The following SYNE1 variants were observed in gnomAD, a reference collection of about 807,000 sequenced individuals.
SYNE1 encodes nesprin-1.
Under a neutral mutation model 1,111.0 loss-of-function variants are expected in SYNE1, and 616 were observed. The ratio of observed to expected loss-of-function variants is 0.55; its 90% CI spans 0.52 to 0.59. The LOEUF is 0.59. Among genes scored for constraint, SYNE1 ranks in the 20% least tolerant of loss-of-function variants. The pLI, the probability that SYNE1 is intolerant of heterozygous loss-of-function variation, is 0.00. For missense variants in SYNE1, 10,006 were observed against 10,417.0 expected, an observed-to-expected ratio of 0.96 and a Z score of 1.72; for synonymous variants, 3,855 against 3,825.8, an observed-to-expected ratio of 1.01 and a Z score of -0.28.
At chr6:152,293,089 A>G (rs1321888170) in intron 95 of SYNE1, among the ~76,000 whole-genome samples, 1 of 152,228 alleles carries the variant, frequency 6.6e-6, no homozygotes, top group Non-Finnish European at 1.5e-5. Flanking sequence ...CTTTTAAAAA[A>G]TGATTTAAGT....
intron 76 of SYNE1, chr6:152,336,217 G>A (rs372297701): frequency 1.4e-3 from 226 of 160,706 alleles, no homozygotes; most frequent in Non-Finnish European, 2.2e-3. Flanking sequence ...CTACTCTGTA[G>A]ACTAAATCAC....
chr6:152,483,155 T>G lies in SYNE1; in HGVS notation c.1280A>C (p.Glu427Ala). ...WLYRAEVALR[E>A]EITVQQVHEE... ...GTGGACCTGTTGAACGGTTATTTCC[T>G]CTCTCAGGGCCACCTCCGCTCTGTA... The change falls in exon 14 of 146, where the codon GAG becomes GCG. Residue 427 changes from glutamate to alanine, a missense_variant. Coordinates refer to ENST00000367255, the MANE Select transcript of SYNE1 (RefSeq NM_182961.4). 1.9e-6 allele frequency: 3 copies of G among 1,614,182 alleles called. No homozygotes were observed. The highest frequency in any genetic ancestry group is 2.5e-6 in the Non-Finnish European group (3 of 1,180,022).
rs116901668 is a variant in SYNE1, at chr6:152,528,360, T to C, written c.130-2185A>G. On this transcript the variant is annotated intron_variant, in intron 4 of 145. Coordinates refer to ENST00000367255, the MANE Select transcript of SYNE1 (RefSeq NM_182961.4). ...TTGTGTGAAGCCAATAAAGAGACTT[T>C]ATTACACCAGAATAAAAAAAATTAG... Among the ~76,000 whole-genome samples the C allele has an allele frequency of 5.5e-4, 84 of 152,274 alleles. 1 individual carries two copies. The East Asian group carries it at 0.015, about 28-fold the overall frequency.
In SYNE1 at chr6:152,573,039, T is replaced by C. The variant is rs534372724; in HGVS notation, c.68-33018A>G. On this transcript the variant is annotated intron_variant, in intron 3 of 145. Transcript: ENST00000367255. The stretch of plus-strand genomic sequence containing the variant: ...CAACTGCTCGAATTAGATAACACCT[T>C]GTTGAATATCCTCAGGCAATGAAAA... Among the ~76,000 whole-genome samples the C allele has an allele frequency of 7.2e-4, 109 of 152,208 alleles. No homozygotes were observed. In the Middle Eastern group the frequency reaches 0.017, roughly 24 times the overall value.
At chr6:152,259,833 G>A (rs1345110423) in intron 101 of SYNE1, among the ~76,000 whole-genome samples, 4 of 152,052 alleles carry the variant, frequency 2.6e-5, no homozygotes, top group Admixed American at 6.5e-5. Context: ...AATGACCAGC[G>A]ATTGCTGAAA....
At chr6:152,382,010 T>G (rs933062757) in intron 55 of SYNE1, among the ~76,000 whole-genome samples, 1 of 152,240 alleles carries the variant, frequency 6.6e-6, no homozygotes, top group African/African-American at 2.4e-5. Flanking sequence ...CTTAAAAAAG[T>G]CACTAGAAAT....
intron 3 of SYNE1, among the ~76,000 whole-genome samples, chr6:152,558,558 A>G (rs2099383409): frequency 6.6e-6 from 1 of 152,210 alleles, no homozygotes; most frequent in Admixed American, 6.5e-5. Flanking sequence ...ATATCGCACA[A>G]TGTAGATTTT....
chr6:152,488,423 C>T lies in SYNE1; in HGVS notation c.1020G>A (p.Val340=). 1.9e-6 allele frequency: 3 copies of T among 1,607,174 alleles called. No homozygotes were observed. Among genetic ancestry groups the T allele is most frequent in the Non-Finnish European group, 2.6e-6 (3 of 1,175,292 alleles). The change falls in exon 12 of 146, where the codon GTG becomes GTA. Residue 340 remains valine (V), a synonymous_variant. Coordinates refer to ENST00000367255, the MANE Select transcript of SYNE1 (RefSeq NM_182961.4). ...FERDLTRAQM[V]ESNLQDKYQS... is the part of the protein sequence containing the mutation. Reference sequence around the variant, plus strand: ...GATATTTATCCTGTAAATTTGATTCCACCATCTGTGCTCTTGTCAAATCTC... The same window carrying T: ...GATATTTATCCTGTAAATTTGATTCTACCATCTGTGCTCTTGTCAAATCTC...
intron 3 of SYNE1, among the ~76,000 whole-genome samples, chr6:152,604,948 G>T (rs1219590513): frequency 3.4e-4 from 5 of 14,578 alleles, no homozygotes; most frequent in African/African-American, 1.2e-3. Context: ...ATCTCACAAA[G>T]AAAGAAAGAA....
chr6:152,561,894 T>C (rs1333514571), intron 3 of SYNE1, among the ~76,000 whole-genome samples: 2 of 152,204 alleles, frequency 1.3e-5, no homozygotes, highest in African/African-American at 4.8e-5. Context: ...TTTTACAACA[T>C]ACACACAAAT....
chr6:152,263,013 A>G (rs569460642), intron 100 of SYNE1, among the ~76,000 whole-genome samples: 3 of 149,792 alleles, frequency 2.0e-5, no homozygotes, highest in South Asian at 2.1e-4. Flanking sequence ...AGTACAGGAC[A>G]CGGAAAGATA....
At chr6:152,321,592 C>A (rs1313487465) in intron 83 of SYNE1, 129 bp downstream of exon 83, 3 of 1,317,130 alleles carry the variant, frequency 2.3e-6, no homozygotes, top group African/African-American at 3.0e-5. Flanking sequence ...TACTAAATAT[C>A]TTTTATATAA....
At position 152,352,407 on chromosome 6, in the gene SYNE1, T is replaced by TC. The variant is rs933452804; in HGVS notation, c.11254-55dup. Reference sequence around the variant, plus strand: ...GTAGTCTTGTTTCTTTTCTTTTCTTTCTTTTTTTTTTTTGAGATGGAGTTT... The same window carrying TC: ...GTAGTCTTGTTTCTTTTCTTTTCTTTCCTTTTTTTTTTTTGAGATGGAGTTT... On this transcript the variant is annotated intron_variant, in intron 69 of 145. Coordinates refer to ENST00000367255, the MANE Select transcript of SYNE1 (RefSeq NM_182961.4). 20 of 1,503,128 alleles carry TC rather than the reference T, an allele frequency of 1.3e-5. No individual in the cohort carries two copies. In the African/African-American group the frequency reaches 3.0e-4, roughly 23 times the overall value. The allele number at this position is 1,503,128 out of a possible 1,614,324, so 93.1% of individuals were successfully genotyped here. A position where few individuals can be genotyped will look rare whatever the true frequency, so the allele number is the denominator to read the frequency against.
chr6:152,441,152 G>A lies in SYNE1; in HGVS notation c.4127C>T (p.Ser1376Phe). The change falls in exon 32 of 146, where the codon TCT (serine) becomes TTT (phenylalanine). Residue 1376 changes from serine (S) to phenylalanine (F), a missense_variant. By Grantham distance (155) the Ser-to-Phe change is radical. Transcript: ENST00000367255. ...TACCTTTGTTTGTTCCAGTTCTGAA[G>A]ATAAACTTTCCAAACTGCTAAAACT... is the stretch of plus-strand genomic sequence containing the variant. ...FLSFSSLESL[S>F]SELEQTKEFS... is the part of the protein sequence containing the mutation. The A allele has an allele frequency of 6.2e-7, 1 of 1,613,640 alleles. No individual in the cohort carries two copies. The highest frequency in any genetic ancestry group is 8.5e-7 in the Non-Finnish European group (1 of 1,179,864).
intron 3 of SYNE1, among the ~76,000 whole-genome samples, chr6:152,591,215 CTGAAGAA>C (rs2099562251): frequency 1.3e-5 from 2 of 151,946 alleles, no homozygotes; most frequent in South Asian, 4.2e-4. Context: ...AGAAATGCTA[CTGAAGAA>C]CAAAGCCGGA....
At chr6:152,522,520 T>C (rs374064167) in intron 5 of SYNE1, among the ~76,000 whole-genome samples, 1 of 152,132 alleles carries the variant, frequency 6.6e-6, no homozygotes, top group Admixed American at 6.6e-5. Flanking sequence ...GCTATAAATA[T>C]CCGTGTGAGG....
intron 3 of SYNE1, among the ~76,000 whole-genome samples, chr6:152,560,815 C>T (rs750956300): frequency 1.3e-5 from 2 of 152,018 alleles, no homozygotes; most frequent in African/African-American, 2.4e-5. Flanking sequence ...AGATAAAAGT[C>T]GTATGATCAT....
chr6:152,618,591 T>C (rs574016109), intron 3 of SYNE1, among the ~76,000 whole-genome samples: 53 of 152,296 alleles, frequency 3.5e-4, no homozygotes, highest in Middle Eastern at 3.4e-3. Flanking sequence ...GAGACCACTG[T>C]TTACTAAATA....
At position 152,472,333 on chromosome 6, in the gene SYNE1, C is replaced by T; in HGVS notation, c.1431G>A (p.Val477=). 2 of 1,613,934 alleles carry T rather than the reference C, an allele frequency of 1.2e-6. No individual in the cohort carries two copies. The highest frequency in any genetic ancestry group is 1.7e-6 in the Non-Finnish European group (2 of 1,179,920). ...CCATGTCCTCTAATTGATCAGGTGG[C>T]ACTGGAATCCCGTTAACAGACCTGG... ...YRTRSVNGIP[V]PPDQLEDMAE... The change falls in exon 15 of 146, where the codon GTG becomes GTA. Residue 477 remains valine (V), a synonymous_variant. Coordinates refer to ENST00000367255, the MANE Select transcript of SYNE1 (RefSeq NM_182961.4).
Sources: gnomAD v4.1 joint callset for allele counts (sites outside exome capture counted in the v4.1 genomes callset) on GRCh38, gnomAD v4.1.1 for gene constraint, MANE v1.5 for transcripts, NCBI Gene and HGNC (gene_info 2026-07-23, HGNC 2026-07-21) for gene names.